CYFIP2: variants seen among roughly 807,000 people sequenced by gnomAD.
The protein encoded by CYFIP2 is cytoplasmic FMR1 interacting protein 2.
Under a neutral mutation model 158.7 loss-of-function variants are expected in CYFIP2, and 29 were observed. That is an observed-to-expected ratio of 0.18 (90% CI 0.14 to 0.25). The LOEUF (loss-of-function observed/expected upper bound fraction) is 0.25. CYFIP2 is among the 10% of genes least tolerant of loss of function. CYFIP2 has a pLI of 1.00. For missense variants in CYFIP2, 852 were observed against 1,639.5 expected (o/e 0.52, Z 8.29); for synonymous variants, 585 against 617.6 (o/e 0.95, Z 0.78).
chr5:157,307,350 T>A (rs1399451733), intron 8 of CYFIP2, among the ~76,000 whole-genome samples: 1 of 152,190 alleles, frequency 6.6e-6, no homozygotes. Flanking sequence ...TGTCAACAGA[T>A]CCTGTTCAGC....
At position 157,319,864 on chromosome 5, in the gene CYFIP2, G is replaced by A. The variant is rs1239470942; in HGVS notation, c.1459G>A (p.Ala487Thr). The change falls in exon 14 of 31, where the codon GCC becomes ACC. Residue 487 changes from alanine (A) to threonine (T), a missense_variant. Around this residue, in one of 8 missense-constraint regions of CYFIP2, gnomAD observed 167 missense variants for 343.3 expected, o/e 0.49. Transcript: ENST00000620254. ...NTIYAALQDF[A>T]QVTLREPLRQ... ...CATCTACGCGGCATTGCAGGACTTC[G>A]CCCAGGTGACGCTGCGTGAGCCCCT... is the stretch of plus-strand genomic sequence containing the variant. 14 of 1,614,066 alleles carry A rather than the reference G, an allele frequency of 8.7e-6. No individual in the cohort carries two copies. The highest frequency in any genetic ancestry group is 2.2e-5 in the East Asian group (1 of 44,886).
intron 4 of CYFIP2, 116 bp downstream of exon 4, chr5:157,294,976 G>T: frequency 5.5e-6 from 4 of 725,654 alleles, no homozygotes; most frequent in Middle Eastern, 5.0e-4. Context: ...AGTAAAGCAG[G>T]TCCTCTTATC....
At chr5:157,382,520 T>C in intron 26 of CYFIP2, 70 bp from the exon 27 acceptor site, 1 of 1,552,512 alleles carries the variant, frequency 6.4e-7, no homozygotes, top group Non-Finnish European at 8.8e-7. Flanking sequence ...TGCTCAGGTT[T>C]TTAGGAATGA....
chr5:157,279,868 C>T (rs960026232), intron 1 of CYFIP2, among the ~76,000 whole-genome samples: 6 of 152,182 alleles, frequency 3.9e-5, no homozygotes, highest in South Asian at 2.1e-4. Context: ...GAAAGAAGTA[C>T]GTTCTTATTT....
At chr5:157,344,299 G>T (rs1042698581) in intron 23 of CYFIP2, among the ~76,000 whole-genome samples, 1 of 152,090 alleles carries the variant, frequency 6.6e-6, no homozygotes, top group Non-Finnish European at 1.5e-5. Context: ...TATGTCACTT[G>T]TCATGCTAGA....
intron 4 of CYFIP2, among the ~76,000 whole-genome samples, chr5:157,295,427 T>C (rs545666649): frequency 3.3e-5 from 5 of 152,356 alleles, no homozygotes; most frequent in Non-Finnish European, 7.3e-5. Context: ...ACGGGTCCCA[T>C]GGCAACAAAA....
chr5:157,347,538 G>C (rs1013922606), intron 23 of CYFIP2, among the ~76,000 whole-genome samples: 3 of 152,152 alleles, frequency 2.0e-5, no homozygotes, highest in Non-Finnish European at 1.5e-5. Flanking sequence ...AGTGCTAATG[G>C]TGAGTCCCCA....
chr5:157,299,432 C>CT (rs1758553039), intron 5 of CYFIP2, among the ~76,000 whole-genome samples: 1 of 152,220 alleles, frequency 6.6e-6, no homozygotes, highest in African/African-American at 2.4e-5. Context: ...TTTCCCTCCT[C>CT]TTTCAGCTTC....
chr5:157,315,135 TG>T, intron 13 of CYFIP2, 41 bp downstream of exon 13: 1 of 1,609,746 alleles, frequency 6.2e-7, no homozygotes. Context: ...TCCCCAAGGC[TG>T]CAGCTCATGG....
intron 3 of CYFIP2, among the ~76,000 whole-genome samples, chr5:157,289,730 A>G (rs1479763077): frequency 1.3e-5 from 2 of 152,170 alleles, no homozygotes; most frequent in Non-Finnish European, 2.9e-5. Context: ...TCACATTCTG[A>G]GGTCCTGTGG....
intron 18 of CYFIP2, among the ~76,000 whole-genome samples, chr5:157,326,809 T>G (rs11747923): frequency 0.33 from 50,514 of 151,988 alleles, 9,474 homozygotes; most frequent in African/African-American, 0.51. Context: ...AAAGTGCAGG[T>G]CAGAGGCCTC....
chr5:157,291,707 G>T (rs143606000), intron 3 of CYFIP2, among the ~76,000 whole-genome samples: 2 of 152,218 alleles, frequency 1.3e-5, no homozygotes, highest in African/African-American at 4.8e-5. Flanking sequence ...GATTTTTAAA[G>T]TTCTCTAAAT....
At chr5:157,305,878 T>C (rs898178406) in intron 8 of CYFIP2, among the ~76,000 whole-genome samples, 4 of 152,244 alleles carry the variant, frequency 2.6e-5, no homozygotes, top group African/African-American at 9.6e-5. Context: ...ATTTTCAAAA[T>C]TTGCAATCTG....
chr5:157,301,885 C>T (rs1389993524), intron 6 of CYFIP2, among the ~76,000 whole-genome samples: 1 of 152,086 alleles, frequency 6.6e-6, no homozygotes, highest in Admixed American at 6.5e-5. Flanking sequence ...AAGAGAGACC[C>T]TCCTTGAATG....
chr5:157,335,585 A>G (rs1761792879), intron 21 of CYFIP2, among the ~76,000 whole-genome samples: 1 of 152,186 alleles, frequency 6.6e-6, no homozygotes, highest in Non-Finnish European at 1.5e-5. Context: ...TAGCTTATGG[A>G]AAAAAGATGA....
Position 157,395,069 on chromosome 5 carries a change from T to TA in CYFIP2, c.*2071dup, listed in dbSNP as rs1767636709. The TA allele has an allele frequency of 6.4e-6, 1 of 155,962 alleles. No homozygotes were observed. Among genetic ancestry groups the TA allele is most frequent in the African/African-American group, 2.4e-5 (1 of 41,482 alleles). The allele number at this position is 155,962 out of a possible 1,614,324, so 9.7% of individuals were successfully genotyped here. On this transcript the variant is annotated 3_prime_UTR_variant, in exon 31 of 31. Transcript: ENST00000620254. Reference sequence around the variant, plus strand: ...CTATTTGATGAGATTTCTATTTCAATAACCCACCTCTCTCACCCCACATTC... The same window carrying TA: ...CTATTTGATGAGATTTCTATTTCAATAAACCCACCTCTCTCACCCCACATTC...
chr5:157,311,403 A>G lies in CYFIP2; in HGVS notation c.993-261A>G, dbSNP rs1257408902. 4 of 514,602 alleles carry G rather than the reference A, an allele frequency of 7.8e-6. No individual in the cohort carries two copies. Among genetic ancestry groups the G allele is most frequent in the Admixed American group, 6.6e-5 (2 of 30,498 alleles). 31.9% of individuals were successfully genotyped at this position (514,602 alleles called of 1,614,324 possible). On this transcript the variant is annotated intron_variant, in intron 10 of 30. Transcript: ENST00000620254. This position sits in a 1 kb window ranked among gnomAD's most constrained non-coding sequence, Gnocchi z 4.7. ...CCCTCTCATATTACTGGTAAGTATT[A>G]TGGACCAGGTATCTGGAAAGGCCTA...
At chr5:157,390,474 TC>T (rs1180934687) in intron 29 of CYFIP2, 46 bp from the exon 30 acceptor site, 14 of 544,930 alleles carry the variant, frequency 2.6e-5, no homozygotes, top group Non-Finnish European at 4.0e-5. Context: ...CTCCCTGCCC[TC>T]CTCCCCCGAC....
chr5:157,320,618 T>C (rs1760518576), intron 14 of CYFIP2, 37 bp from the exon 15 acceptor site: 19 of 1,613,026 alleles, frequency 1.2e-5, no homozygotes, highest in Non-Finnish European at 1.6e-5. Context: ...TTTCCCATGG[T>C]GAAACCTGGT....
Sources: gnomAD v4.1 joint callset for allele counts (sites outside exome capture counted in the v4.1 genomes callset) on GRCh38, gnomAD v4.1.1 for gene constraint, gnomAD v4.1.1 regional missense constraint, Gnocchi (gnomAD v3.1) non-coding constraint, MANE v1.5 for transcripts, NCBI Gene and HGNC (gene_info 2026-07-23, HGNC 2026-07-21) for gene names.